Variants in DNM2 observed in about 807,000 individuals in gnomAD.
DNM2 encodes the protein dynamin 2.
A neutral mutation model predicts 99.0 loss-of-function variants in DNM2; 15 were observed. That is an observed-to-expected ratio of 0.15 (90% CI 0.10 to 0.23). The LOEUF (loss-of-function observed/expected upper bound fraction) is 0.23. Among genes scored for constraint, DNM2 ranks in the 10% least tolerant of loss-of-function variants. The pLI is 1.00. For synonymous variants in DNM2, 525 were observed against 481.2 expected, an observed-to-expected ratio of 1.09 and a Z score of -1.19; for missense variants, 742 against 1,189.4, an observed-to-expected ratio of 0.62 and a Z score of 5.53.
At chr19:10,823,661 G>C (rs934452805) in intron 16 of DNM2, 127 bp from the exon 17 acceptor site, 1 of 860,646 alleles carries the variant, frequency 1.2e-6, no homozygotes, top group Non-Finnish European at 1.9e-6. Context: ...AGCATGACCA[G>C]GTGAAGCCTG....
At chr19:10,821,438 C>A (rs2072965930) in intron 16 of DNM2, among the ~76,000 whole-genome samples, 1 of 152,162 alleles carries the variant, frequency 6.6e-6, no homozygotes, top group Non-Finnish European at 1.5e-5. Context: ...AGTGGAGCAG[C>A]TCCACAGGCA....
chr19:10,735,224 T>C (rs568874682), intron 1 of DNM2, among the ~76,000 whole-genome samples: 38 of 151,964 alleles, frequency 2.5e-4, no homozygotes, highest in Middle Eastern at 3.4e-3. Flanking sequence ...TATTTTTTTT[T>C]AGACGGGGTT....
In DNM2 at chr19:10,786,802, A is replaced by G; in HGVS notation, c.992+96A>G. 4 of 1,575,968 alleles carry G rather than the reference A, an allele frequency of 2.5e-6. No individual in the cohort carries two copies. The South Asian group carries it at 3.4e-5, about 13-fold the overall frequency. On this transcript the variant is annotated intron_variant, in intron 7 of 20. Transcript: ENST00000389253. Reference sequence around the variant, plus strand: ...GCTGGGCACCACTCATCACTCGTCCACTCATTGATTCAGCAGACACTTGCT... The same window carrying G: ...GCTGGGCACCACTCATCACTCGTCCGCTCATTGATTCAGCAGACACTTGCT...
Position 10,811,536 on chromosome 19 carries a change from C to A in DNM2, c.1558-728C>A. On this transcript the variant is annotated intron_variant, in intron 14 of 20. Coordinates refer to ENST00000389253, the MANE Select transcript of DNM2 (RefSeq NM_001005361.3). This position sits in a 1 kb window ranked among gnomAD's most constrained non-coding sequence, Gnocchi z 5.4. Reference sequence around the variant, plus strand: ...TGCCTGGGTCCCAGGCCGCCCTGTGCGTGCCTCCGTGTGCTTCCTGCAGCT... The same window carrying A: ...TGCCTGGGTCCCAGGCCGCCCTGTGAGTGCCTCCGTGTGCTTCCTGCAGCT... 5.4e-6 allele frequency: 2 copies of A among 372,256 alleles called. No individual in the cohort carries two copies. The highest frequency in any genetic ancestry group is 3.9e-5 in the South Asian group (2 of 51,198). The allele number at this position is 372,256 out of a possible 1,614,324, so 23.1% of individuals were successfully genotyped here. A position where few individuals can be genotyped will look rare whatever the true frequency, so the allele number is the denominator to read the frequency against.
Position 10,811,614 on chromosome 19 carries a change from A to T in DNM2, c.1558-650A>T. 2.2e-6 allele frequency: 1 copy of T among 448,932 alleles called. No individual in the cohort carries two copies. Among genetic ancestry groups the T allele is most frequent in the Non-Finnish European group, 4.5e-6 (1 of 222,498 alleles). The allele number at this position is 448,932 out of a possible 1,614,324, so 27.8% of individuals were successfully genotyped here. A position where few individuals can be genotyped will look rare whatever the true frequency, so the allele number is the denominator to read the frequency against. ...GGGGGCTCTGCCCACACATGCCTCC[A>T]GCGGCCAGGGAGCATGGGAGCACAG... is the stretch of plus-strand genomic sequence containing the variant. On this transcript the variant is annotated intron_variant, in intron 14 of 20. Coordinates refer to ENST00000389253, the MANE Select transcript of DNM2 (RefSeq NM_001005361.3). This position sits in a 1 kb window ranked among gnomAD's most constrained non-coding sequence, Gnocchi z 5.4.
Position 10,808,591 on chromosome 19 carries a change from G to C in DNM2, c.1557+11G>C. On this transcript the variant is annotated intron_variant, in intron 14 of 20. Coordinates refer to ENST00000389253, the MANE Select transcript of DNM2 (RefSeq NM_001005361.3). Reference sequence around the variant, plus strand: ...AAGGGGGAGATCCTGGTAAGTACATGCTTAGTGTGGTAGCAAACATTAGAG... The same window carrying C: ...AAGGGGGAGATCCTGGTAAGTACATCCTTAGTGTGGTAGCAAACATTAGAG... The C allele has an allele frequency of 6.2e-7, 1 of 1,611,914 alleles. No homozygotes were observed. Among genetic ancestry groups the C allele is most frequent in the Non-Finnish European group, 8.5e-7 (1 of 1,179,074 alleles).
intron 11 of DNM2, 146 bp from the exon 12 acceptor site, chr19:10,802,142 A>G (rs2072172937): frequency 1.3e-6 from 1 of 747,734 alleles, no homozygotes; most frequent in Non-Finnish European, 2.3e-6. Context: ...GGGTGTGGGG[A>G]GTGCGACGCC....
intron 2 of DNM2, among the ~76,000 whole-genome samples, chr19:10,760,095 G>A (rs998247950): frequency 6.6e-6 from 1 of 151,866 alleles, no homozygotes; most frequent in African/African-American, 2.4e-5. Flanking sequence ...GTACAGTGAT[G>A]CTATCTTGGC....
At chr19:10,718,635 G>A (rs1175842489) in intron 1 of DNM2, 2 of 481,990 alleles carry the variant, frequency 4.1e-6, no homozygotes, top group East Asian at 4.6e-5. Context: ...CCAGGGCGCC[G>A]TAGGACAGGA....
intron 1 of DNM2, among the ~76,000 whole-genome samples, chr19:10,736,223 C>CTA (rs1192342605): frequency 6.7e-6 from 1 of 149,506 alleles, no homozygotes; most frequent in African/African-American, 2.5e-5. Context: ...CAAGATCGCG[C>CTA]TATTGCACTC....
intron 1 of DNM2, 26 bp downstream of exon 1, chr19:10,718,429 G>T: frequency 2.8e-6 from 4 of 1,423,276 alleles, no homozygotes; most frequent in Non-Finnish European, 3.7e-6. Context: ...AGGGATCGCG[G>T]GCGGGTGGCG....
chr19:10,721,586 G>A (rs983022413), intron 1 of DNM2, among the ~76,000 whole-genome samples: 5 of 152,092 alleles, frequency 3.3e-5, no homozygotes, highest in African/African-American at 4.8e-5. Flanking sequence ...CTTTGTTGCC[G>A]AGGTTGGAGT....
intron 1 of DNM2, among the ~76,000 whole-genome samples, chr19:10,737,225 T>G (rs1361965369): frequency 2.0e-5 from 3 of 152,060 alleles, no homozygotes; most frequent in Non-Finnish European, 2.9e-5. Flanking sequence ...CTCCATGATG[T>G]TCTCATGCAG....
At chr19:10,741,803 T>C (rs151023337) in intron 1 of DNM2, among the ~76,000 whole-genome samples, 15,646 of 151,104 alleles carry the variant, frequency 0.1, 1,239 homozygotes, top group East Asian at 0.37. Flanking sequence ...CACCCGCCTC[T>C]GCCTCCCAAA....
intron 10 of DNM2, 73 bp downstream of exon 10, chr19:10,797,591 T>C (rs2071984220): frequency 6.2e-7 from 1 of 1,609,660 alleles, no homozygotes; most frequent in Admixed American, 1.7e-5. Context: ...AACCCGAGCA[T>C]CTGGAAAATT....
chr19:10,782,793 G>A (rs1420152194), intron 5 of DNM2, among the ~76,000 whole-genome samples, 167 bp from the exon 6 acceptor site: 1 of 152,224 alleles, frequency 6.6e-6, no homozygotes, highest in East Asian at 1.9e-4. Context: ...CTTCGCAGCT[G>A]CCATGTGCAT....
chr19:10,831,067 C>A lies in DNM2; in HGVS notation c.*20C>A. 1 of 1,586,992 alleles carries A rather than the reference C, an allele frequency of 6.3e-7. No individual in the cohort carries two copies. Among genetic ancestry groups the A allele is most frequent in the Non-Finnish European group, 8.6e-7 (1 of 1,166,398 alleles). The stretch of plus-strand genomic sequence containing the variant: ...GACTAGGCCTCGAGGGGGGCGTGCT[C>A]TCGGGGGGGCCTCACGCACCCGCGG... On this transcript the variant is annotated 3_prime_UTR_variant, in exon 21 of 21. Coordinates refer to ENST00000389253, the MANE Select transcript of DNM2 (RefSeq NM_001005361.3). The surrounding 1 kb of genome is among the most constrained non-coding windows in gnomAD (Gnocchi z 4.3).
In DNM2 at chr19:10,812,636, A is replaced by G. The variant is rs1480381075; in HGVS notation, c.1671+259A>G. 6.6e-6 allele frequency among the ~76,000 whole-genome samples: 1 copy of G among 152,130 alleles called. No individual in the cohort carries two copies. Among genetic ancestry groups the G allele is most frequent in the African/African-American group, 2.4e-5 (1 of 41,416 alleles). ...ACCCCGTCTCTACTAAAATTGCAAA[A>G]ATTAGCCAGGAGTGGTGGCACGCGC... On this transcript the variant is annotated intron_variant, in intron 15 of 20. Coordinates refer to ENST00000389253, the MANE Select transcript of DNM2 (RefSeq NM_001005361.3). The surrounding 1 kb of genome is among the most constrained non-coding windows in gnomAD (Gnocchi z 4.0).
At chr19:10,740,519 G>T (rs1234508605) in intron 1 of DNM2, among the ~76,000 whole-genome samples, 2 of 152,110 alleles carry the variant, frequency 1.3e-5, no homozygotes, top group African/African-American at 4.8e-5. Context: ...GGGACTACAG[G>T]CACCCACCAC....
Sources: gnomAD v4.1 joint callset for allele counts (sites outside exome capture counted in the v4.1 genomes callset) on GRCh38, gnomAD v4.1.1 for gene constraint, Gnocchi (gnomAD v3.1) non-coding constraint, MANE v1.5 for transcripts, NCBI Gene and HGNC (gene_info 2026-07-23, HGNC 2026-07-21) for gene names.